Variants in ITGA1 observed in about 807,000 individuals in gnomAD.
The protein encoded by ITGA1 is integrin subunit alpha 1, also known as integrin alpha-1.
A neutral mutation model predicts 145.9 loss-of-function variants in ITGA1; 85 were observed. That is an observed-to-expected ratio of 0.58 (90% confidence interval 0.49 to 0.70). The LOEUF is 0.70. Ranked by LOEUF, ITGA1 falls within the 30% of genes least tolerant of loss-of-function variation. The pLI, the probability that ITGA1 is intolerant of heterozygous loss-of-function variation, is 0.00. For missense variants in ITGA1, 1,351 were observed against 1,418.7 expected, an observed-to-expected ratio of 0.95 and a Z score of 0.77; for synonymous variants, 520 against 495.3, an observed-to-expected ratio of 1.05 and a Z score of -0.66.
At position 52,830,918 on chromosome 5, in the gene ITGA1, T is replaced by C. The variant is rs2111720653; in HGVS notation, c.62-18447T>C. Among the ~76,000 whole-genome samples, 2 of 152,310 alleles carry C rather than the reference T, an allele frequency of 1.3e-5. 1 individual carries two copies. The highest frequency in any genetic ancestry group is 1.3e-4 in the Admixed American group (2 of 15,288). Reference sequence around the variant, plus strand: ...TTATTCTTTGATGACATCACCACCGTCTTGCCCTTATTTTTATGTGCATAA... The same window carrying C: ...TTATTCTTTGATGACATCACCACCGCCTTGCCCTTATTTTTATGTGCATAA... On this transcript the variant is annotated intron_variant, in intron 1 of 28. Coordinates refer to ENST00000282588, the MANE Select transcript of ITGA1 (RefSeq NM_181501.2).
Position 52,955,357 on chromosome 5 carries a change from A to ATAGAT in ITGA1, c.*2907_*2911dup, listed in dbSNP as rs1751288416. 1.0e-5 allele frequency: 1 copy of ATAGAT among 96,640 alleles called. No homozygotes were observed. Among genetic ancestry groups the ATAGAT allele is most frequent in the African/African-American group, 5.0e-5 (1 of 20,178 alleles). The allele number at this position is 96,640 out of a possible 1,614,324, so 6.0% of individuals were successfully genotyped here. A position where few individuals can be genotyped will look rare whatever the true frequency, so the allele number is the denominator to read the frequency against. On this transcript the variant is annotated 3_prime_UTR_variant, in exon 29 of 29. Transcript: ENST00000282588. The stretch of plus-strand genomic sequence containing the variant: ...GATTACACGATAGACAGATAGATAG[A>ATAGAT]TAGATAGATAGATAGATAGATAGAT...
chr5:52,830,054 A>G (rs570988840), intron 1 of ITGA1, among the ~76,000 whole-genome samples: 2 of 152,300 alleles, frequency 1.3e-5, no homozygotes, highest in East Asian at 3.9e-4. Flanking sequence ...TTTTCTTCCC[A>G]AGAGTGATAT....
At chr5:52,814,629 C>A (rs1449105100) in intron 1 of ITGA1, among the ~76,000 whole-genome samples, 1 of 151,700 alleles carries the variant, frequency 6.6e-6, no homozygotes, top group Non-Finnish European at 1.5e-5. Flanking sequence ...AATAAATTAC[C>A]TTAAACCTGG....
At chr5:52,821,319 T>C (rs1481211672) in intron 1 of ITGA1, among the ~76,000 whole-genome samples, 2 of 152,176 alleles carry the variant, frequency 1.3e-5, no homozygotes, top group Non-Finnish European at 2.9e-5. Flanking sequence ...TGTTCCGAAG[T>C]CTAGGAACCT....
intron 15 of ITGA1, among the ~76,000 whole-genome samples, chr5:52,918,372 G>A (rs1057142066): frequency 1.8e-4 from 27 of 152,076 alleles, no homozygotes; most frequent in African/African-American, 5.1e-4. Context: ...AGGGGTCTAC[G>A]GGCTGTTCAG....
intron 3 of ITGA1, among the ~76,000 whole-genome samples, chr5:52,861,851 CAG>C (rs1156743779): frequency 7.8e-6 from 1 of 129,024 alleles, no homozygotes; most frequent in African/African-American, 3.1e-5. Flanking sequence ...GCCTGGGTGA[CAG>C]AGTGAGACCC....
intron 6 of ITGA1, among the ~76,000 whole-genome samples, chr5:52,877,806 C>T (rs924940908): frequency 1.3e-5 from 2 of 152,132 alleles, no homozygotes; most frequent in African/African-American, 4.8e-5. Flanking sequence ...AGCCAAGAAC[C>T]CTTGTGGGCT....
intron 15 of ITGA1, 64 bp from the exon 16 acceptor site, chr5:52,918,667 TC>T: frequency 6.5e-7 from 1 of 1,532,720 alleles, no homozygotes; most frequent in Non-Finnish European, 8.8e-7. Flanking sequence ...CACTTTGCAC[TC>T]CCAAGTTGAT....
intron 11 of ITGA1, among the ~76,000 whole-genome samples, chr5:52,900,101 A>G (rs1238375540): frequency 1.3e-5 from 2 of 152,180 alleles, no homozygotes; most frequent in Non-Finnish European, 2.9e-5. Context: ...CAATAATGAA[A>G]CAAGCAATCA....
At chr5:52,788,479 A>G (rs1580015700) in intron 1 of ITGA1, 65 bp downstream of exon 1, 1 of 1,313,740 alleles carries the variant, frequency 7.6e-7, no homozygotes, top group Middle Eastern at 1.9e-4. Flanking sequence ...GCGGGGAGGG[A>G]GGTCCTCAGA....
chr5:52,816,246 G>A (rs543534250), intron 1 of ITGA1, among the ~76,000 whole-genome samples: 2 of 151,934 alleles, frequency 1.3e-5, no homozygotes, highest in East Asian at 1.9e-4. Flanking sequence ...CATGCACATC[G>A]AGCATATTTT....
intron 12 of ITGA1, among the ~76,000 whole-genome samples, chr5:52,906,455 G>T (rs1197843967): frequency 2.0e-5 from 3 of 152,046 alleles, no homozygotes; most frequent in East Asian, 3.9e-4. Context: ...TTCTTATTAG[G>T]TAGTATTGAA....
At chr5:52,832,763 ATCTGTGTGTGTGTG>A (rs1749090949) in intron 1 of ITGA1, among the ~76,000 whole-genome samples, 1 of 76,364 alleles carries the variant, frequency 1.3e-5, no homozygotes, top group African/African-American at 5.3e-5. Context: ...AAATATATAA[ATCTGTGTGTGTGTG>A]TGTGTGTGTG....
At chr5:52,944,307 G>A (rs1423471969) in intron 26 of ITGA1, among the ~76,000 whole-genome samples, 1 of 152,128 alleles carries the variant, frequency 6.6e-6, no homozygotes, top group Non-Finnish European at 1.5e-5. Flanking sequence ...TGGCAAGAGT[G>A]AGCTGTCCCT....
At position 52,958,498 on chromosome 5, in the gene ITGA1, C is replaced by T. The variant is rs188315934; in HGVS notation, c.*6047C>T. The T allele has an allele frequency of 6.6e-6, 1 of 152,110 alleles. No individual in the cohort carries two copies. Among genetic ancestry groups the T allele is most frequent in the African/African-American group, 2.4e-5 (1 of 41,400 alleles). 9.4% of individuals were successfully genotyped at this position (152,110 alleles called of 1,614,324 possible). On this transcript the variant is annotated 3_prime_UTR_variant, in exon 29 of 29. Transcript: ENST00000282588. The stretch of plus-strand genomic sequence containing the variant: ...CACTTAATGCAGCAACATCTCAGAC[C>T]CTCTTCACTCTAGAACCGTTTTATA...
Position 52,797,906 on chromosome 5 carries a change from T to C in ITGA1, c.61+9492T>C, listed in dbSNP as rs561694792. On this transcript the variant is annotated intron_variant, in intron 1 of 28. Coordinates refer to ENST00000282588, the MANE Select transcript of ITGA1 (RefSeq NM_181501.2). Reference sequence around the variant, plus strand: ...AAAACCTTTTGTTAAGATCCCACTGTGTGCTTACCACTGTGATTCTGTGGC... The same window carrying C: ...AAAACCTTTTGTTAAGATCCCACTGCGTGCTTACCACTGTGATTCTGTGGC... Among the ~76,000 whole-genome samples, 3 of 152,358 alleles carry C rather than the reference T, an allele frequency of 2.0e-5. No homozygotes were observed. In the South Asian group the frequency reaches 6.2e-4, roughly 32 times the overall value.
chr5:52,909,665 C>T (rs1378220220), intron 13 of ITGA1, among the ~76,000 whole-genome samples: 1 of 151,402 alleles, frequency 6.6e-6, no homozygotes, highest in Non-Finnish European at 1.5e-5. Context: ...TTCTTCCTAT[C>T]ATTTTTTGGC....
At chr5:52,850,777 A>T (rs923735141) in intron 2 of ITGA1, among the ~76,000 whole-genome samples, 5 of 152,180 alleles carry the variant, frequency 3.3e-5, no homozygotes, top group African/African-American at 9.7e-5. Flanking sequence ...GCTACATGCT[A>T]AATTTTTAAG....
rs369752958 is a variant in ITGA1 at position 52,891,262 on chromosome 5, CT to C, written c.925-2401del. On this transcript the variant is annotated intron_variant, in intron 8 of 28. Transcript: ENST00000282588. ...ATATACCCAGCAATGTTTTTTTTTT[CT>C]TTTTTTTTTTTCATTTTAAATACAC... 2.9e-3 allele frequency among the ~76,000 whole-genome samples: 388 copies of C among 135,722 alleles called. 3 individuals are homozygous for C. The highest frequency in any genetic ancestry group is 9.7e-3 in the African/African-American group (353 of 36,554). 89.0% of individuals were successfully genotyped at this position (135,722 alleles called of 152,430 possible).
Sources: gnomAD v4.1 joint callset for allele counts (sites outside exome capture counted in the v4.1 genomes callset) on GRCh38, gnomAD v4.1.1 for gene constraint, MANE v1.5 for transcripts, NCBI Gene and HGNC (gene_info 2026-07-23, HGNC 2026-07-21) for gene names.